The following PCDH10 variants were observed in gnomAD, a reference collection of about 807,000 sequenced individuals.
PCDH10 encodes the protein protocadherin-10.
Under a neutral mutation model 74.4 loss-of-function variants are expected in PCDH10, and 15 were observed. The ratio of observed to expected loss-of-function variants is 0.20; its 90% CI spans 0.13 to 0.31. The LOEUF (loss-of-function observed/expected upper bound fraction) is 0.31, where lower values mean the gene tolerates loss of function less well. Ranked by LOEUF, PCDH10 falls within the 10% of genes least tolerant of loss-of-function variation. The pLI is 1.00. For missense variants in PCDH10, 1,260 were observed against 1,390.2 expected (o/e 0.91, Z 1.49); for synonymous variants, 619 against 589.8 (o/e 1.05, Z -0.72).
chr4:133,163,973 C>A (rs1727028063), intron 4 of PCDH10: 4 of 451,242 alleles, frequency 8.9e-6, no homozygotes, highest in Non-Finnish European at 1.3e-5. Flanking sequence ...TGGCTATTAA[C>A]CTGGACATAG....
At position 133,191,421 on chromosome 4, in the gene PCDH10, T is replaced by G. The variant is rs566370041; in HGVS notation, c.*1261T>G. The G allele has an allele frequency of 1.3e-5, 2 of 152,334 alleles. No individual in the cohort carries two copies. Among genetic ancestry groups the G allele is most frequent in the Non-Finnish European group, 3.0e-5 (2 of 67,778 alleles). 9.4% of individuals were successfully genotyped at this position (152,334 alleles called of 1,614,324 possible). Reference sequence around the variant, plus strand: ...AATAAATTTAGAGATAGAATCATGGTACATTATTGTTTCAGTATTCCATGT... The same window carrying G: ...AATAAATTTAGAGATAGAATCATGGGACATTATTGTTTCAGTATTCCATGT... On this transcript the variant is annotated 3_prime_UTR_variant, in exon 5 of 5. Coordinates refer to ENST00000264360, the MANE Select transcript of PCDH10 (RefSeq NM_032961.3).
intron 4 of PCDH10, among the ~76,000 whole-genome samples, chr4:133,185,129 A>T (rs563311736): frequency 6.7e-6 from 1 of 148,336 alleles, no homozygotes; most frequent in Admixed American, 6.8e-5. Context: ...AATCATTTTT[A>T]ACTTTTCCAT....
rs1331112201 is a variant in PCDH10, at chr4:133,152,585, C to G, written c.2445C>G (p.His815Gln). Residue 815 changes from histidine to glutamine, a missense_variant, in exon 1 of 5, where the codon CAC becomes CAG. Around this residue, in one of 11 missense-constraint regions of PCDH10, gnomAD observed 587 missense variants for 616.9 expected, o/e 0.95. Coordinates refer to ENST00000264360, the MANE Select transcript of PCDH10 (RefSeq NM_032961.3). Reference protein sequence around the residue: ...EESGGFGSHHHNQNYCYQVCL... With the variant: ...EESGGFGSHHQNQNYCYQVCL... ...CCGGGGGCTTTGGCTCCCACCACCA[C>G]AACCAGAATTACTGCTATCAGGTAT... 6.2e-7 allele frequency: 1 copy of G among 1,614,166 alleles called. No homozygotes were observed. The highest frequency in any genetic ancestry group is 1.1e-5 in the South Asian group (1 of 91,078).
At chr4:133,166,285 A>T (rs1727079329) in intron 4 of PCDH10, among the ~76,000 whole-genome samples, 1 of 151,592 alleles carries the variant, frequency 6.6e-6, no homozygotes, top group Admixed American at 6.6e-5. Context: ...TTTAATTTTC[A>T]TTAGCATAAT....
intron 2 of PCDH10, 110 bp from the exon 3 acceptor site, chr4:133,154,807 T>TAA (rs1726828797): frequency 1.4e-6 from 1 of 730,320 alleles, no homozygotes; most frequent in Admixed American, 2.4e-5. Context: ...CAAAGCCAAC[T>TAA]AAGAGGTCTG....
chr4:133,171,277 A>G (rs991196245), intron 4 of PCDH10, among the ~76,000 whole-genome samples: 2 of 152,180 alleles, frequency 1.3e-5, no homozygotes, highest in African/African-American at 4.8e-5. Flanking sequence ...AGGCTCATCT[A>G]TATGTCAGTC....
intron 3 of PCDH10, among the ~76,000 whole-genome samples, chr4:133,158,904 T>C (rs1726913818): frequency 6.6e-6 from 1 of 152,076 alleles, no homozygotes; most frequent in Non-Finnish European, 1.5e-5. Context: ...GTGAAAAATA[T>C]ATACATTTTG....
In PCDH10 at chr4:133,150,982, A is replaced by G. The variant is rs1346032169; in HGVS notation, c.842A>G (p.Gln281Arg). The G allele has an allele frequency of 6.2e-7, 1 of 1,613,852 alleles. No homozygotes were observed. The highest frequency in any genetic ancestry group is 1.3e-5 in the African/African-American group (1 of 75,042). Reference sequence around the variant, plus strand: ...AACGCCACCGACCCGGACGAGGGCCAGAACGGTGAGGTCGTGTACTCCTTC... The same window carrying G: ...AACGCCACCGACCCGGACGAGGGCCGGAACGGTGAGGTCGTGTACTCCTTC... ...QLNATDPDEG[Q>R]NGEVVYSFSS... is the part of the protein sequence containing the mutation. Residue 281 changes from glutamine (Q) to arginine (R), a missense_variant, in exon 1 of 5, where the codon CAG becomes CGG. This residue lies in a region of PCDH10 where 192 missense variants were observed against 161.2 expected (regional missense o/e 1.19). Coordinates refer to ENST00000264360, the MANE Select transcript of PCDH10 (RefSeq NM_032961.3).
rs969664961 is a variant in PCDH10 at position 133,194,034 on chromosome 4, G to A, written c.*3874G>A. ...CAGTAATTTGTGAAACTGTTCAGTA[G>A]AGTATTCTTTTCTTCAAATCTTGGC... On this transcript the variant is annotated 3_prime_UTR_variant, in exon 5 of 5. Coordinates refer to ENST00000264360, the MANE Select transcript of PCDH10 (RefSeq NM_032961.3). The A allele has an allele frequency of 1.1e-4, 16 of 151,708 alleles. No homozygotes were observed. Among genetic ancestry groups the A allele is most frequent in the Non-Finnish European group, 1.9e-4 (13 of 67,732 alleles). 9.4% of individuals were successfully genotyped at this position (151,708 alleles called of 1,614,324 possible).
Position 133,154,887 on chromosome 4 carries a change from A to C in PCDH10, c.2691-30A>C. 3 of 1,408,212 alleles carry C rather than the reference A, an allele frequency of 2.1e-6. No individual in the cohort carries two copies. The South Asian group carries it at 3.5e-5, about 16-fold the overall frequency. The allele number at this position is 1,408,212 out of a possible 1,614,324, so 87.2% of individuals were successfully genotyped here. A position where few individuals can be genotyped will look rare whatever the true frequency, so the allele number is the denominator to read the frequency against. On this transcript the variant is annotated intron_variant, in intron 2 of 4. Transcript: ENST00000264360. ...TTTTCTGTGTTTCTTCACCTTTTTTATTCTAATATTCACATTTTTGTACTT... is the reference window on the plus strand; with the variant it reads ...TTTTCTGTGTTTCTTCACCTTTTTTCTTCTAATATTCACATTTTTGTACTT...
intron 2 of PCDH10, 36 bp from the exon 3 acceptor site, chr4:133,154,880 CT>C: frequency 2.9e-6 from 4 of 1,384,490 alleles, no homozygotes; most frequent in Non-Finnish European, 3.1e-6. Context: ...GTTTCTTCAC[CT>C]TTTTTATTCT....
chr4:133,188,016 A>G (rs953104352), intron 4 of PCDH10, among the ~76,000 whole-genome samples: 11 of 152,158 alleles, frequency 7.2e-5, no homozygotes, highest in Admixed American at 2.6e-4. Flanking sequence ...TAGGTTGACT[A>G]TAGGTCACTC....
chr4:133,171,955 A>T (rs1343634878), intron 4 of PCDH10, among the ~76,000 whole-genome samples: 2 of 151,220 alleles, frequency 1.3e-5, no homozygotes, highest in African/African-American at 2.5e-5. Flanking sequence ...TCTTTTTATT[A>T]AAAAAAAGTG....
rs1338604469 is a variant in PCDH10, at chr4:133,151,338, G to T, written c.1198G>T (p.Asp400Tyr). ...GCAGGTGCAGTGCGAGCTACTGGGA[G>T]ACGTGCCTTTCCGCCTCAAGTCTTC... ...NGQVQCELLG[D>Y]VPFRLKSSFK... is the part of the protein sequence containing the mutation. Residue 400 changes from aspartate (D) to tyrosine (Y), a missense_variant, in exon 1 of 5, where the codon GAC becomes TAC. By Grantham distance (160) the Asp-to-Tyr change is radical (BLOSUM62 -3). Around this residue, in one of 11 missense-constraint regions of PCDH10, gnomAD observed 112 missense variants for 123.6 expected, o/e 0.91. Coordinates refer to ENST00000264360, the MANE Select transcript of PCDH10 (RefSeq NM_032961.3). 6.2e-7 allele frequency: 1 copy of T among 1,614,182 alleles called. No homozygotes were observed. The highest frequency in any genetic ancestry group is 1.7e-5 in the Admixed American group (1 of 60,028).
chr4:133,155,170 A>T, intron 3 of PCDH10, 147 bp downstream of exon 3: 1 of 655,264 alleles, frequency 1.5e-6, no homozygotes, highest in Non-Finnish European at 2.7e-6. Flanking sequence ...CTACTTTGAT[A>T]TTTGCAGACT....
chr4:133,155,087 G>A lies in PCDH10; in HGVS notation c.2797+64G>A, dbSNP rs371252874. ...ATAGTTTTTGTTTTTAAAAATAAAC[G>A]TAGGAAGGATGATGTCCTAGGCAAT... On this transcript the variant is annotated intron_variant, in intron 3 of 4. Coordinates refer to ENST00000264360, the MANE Select transcript of PCDH10 (RefSeq NM_032961.3). The A allele has an allele frequency of 7.2e-5, 82 of 1,135,532 alleles. No individual in the cohort carries two copies. In the African/African-American group the frequency reaches 1.1e-3, roughly 15 times the overall value. The allele number at this position is 1,135,532 out of a possible 1,614,324, so 70.3% of individuals were successfully genotyped here.
At chr4:133,195,418 G>T (rs2125875749), downstream of PCDH10, among the ~76,000 whole-genome samples, 1 of 151,846 alleles carries the variant, frequency 6.6e-6, no homozygotes, top group Non-Finnish European at 1.5e-5. Flanking sequence ...AGTTCTCAAT[G>T]AAAGGTTAAC....
chr4:133,206,610 T>C (rs764847691), intron 2 of PCDH10, among the ~76,000 whole-genome samples: 7 of 152,218 alleles, frequency 4.6e-5, no homozygotes, highest in Non-Finnish European at 1.0e-4. Flanking sequence ...TAACTTTTTA[T>C]CTACTTCCAA....
Position 133,190,248 on chromosome 4 carries a change from C to T in PCDH10, c.*88C>T, listed in dbSNP as rs530347448. On this transcript the variant is annotated 3_prime_UTR_variant, in exon 5 of 5. Transcript: ENST00000264360. The stretch of plus-strand genomic sequence containing the variant: ...AACTTTTCAACTTCATTATCTTGGC[C>T]ATCCAGTTAGTCATGTGTAACTGAG... 8.2e-5 allele frequency: 99 copies of T among 1,203,478 alleles called. 2 individuals are homozygous for T. In the South Asian group the frequency reaches 1.1e-3, roughly 14 times the overall value. 74.5% of individuals were successfully genotyped at this position (1,203,478 alleles called of 1,614,324 possible). A position where few individuals can be genotyped will look rare whatever the true frequency, so the allele number is the denominator to read the frequency against.
Sources: allele counts gnomAD v4.1 joint callset (sites outside exome capture counted in the v4.1 genomes callset), GRCh38; gene constraint gnomAD v4.1.1; regional missense constraint gnomAD v4.1.1; transcripts MANE v1.5; gene names NCBI Gene and HGNC (gene_info 2026-07-23, HGNC 2026-07-21).